The following FGD6 variants were observed in gnomAD, a reference collection of about 807,000 sequenced individuals.
FGD6 encodes FYVE, RhoGEF and PH domain-containing protein 6.
FGD6 carries 90 observed loss-of-function variants against 149.4 expected under a neutral mutation model. That is an observed-to-expected ratio of 0.60 (90% CI 0.51 to 0.72). The LOEUF (loss-of-function observed/expected upper bound fraction) is 0.72. FGD6 is among the 30% of genes least tolerant of loss of function. FGD6 has a pLI of 0.00. For synonymous variants in FGD6, 527 were observed against 584.0 expected, an observed-to-expected ratio of 0.90 and a Z score of 1.41; for missense variants, 1,437 against 1,684.8, an observed-to-expected ratio of 0.85 and a Z score of 2.57.
chr12:95,179,746 A>C (rs1038824990), intron 2 of FGD6, among the ~76,000 whole-genome samples: 1 of 152,104 alleles, frequency 6.6e-6, no homozygotes, highest in Non-Finnish European at 1.5e-5. Flanking sequence ...CCATTAAAAA[A>C]AGACCGGTTA....
intron 2 of FGD6, among the ~76,000 whole-genome samples, chr12:95,201,979 C>T (rs987126326): frequency 2.6e-5 from 4 of 151,522 alleles, no homozygotes; most frequent in Non-Finnish European, 4.4e-5. Context: ...CACACACACA[C>T]ACACACACAC....
At chr12:95,111,809 G>A (rs1253280855) in intron 9 of FGD6, among the ~76,000 whole-genome samples, 1 of 151,756 alleles carries the variant, frequency 6.6e-6, no homozygotes, top group South Asian at 2.1e-4. Context: ...AAAAAAAACC[G>A]CCTTTAAAAG....
At chr12:95,181,744 G>C (rs1592866389) in intron 2 of FGD6, among the ~76,000 whole-genome samples, 1 of 152,118 alleles carries the variant, frequency 6.6e-6, no homozygotes, top group Non-Finnish European at 1.5e-5. Flanking sequence ...ACAAGGTCAG[G>C]AGATCAAGAC....
intron 2 of FGD6, among the ~76,000 whole-genome samples, chr12:95,179,036 C>G (rs1350195425): frequency 1.3e-5 from 2 of 152,156 alleles, no homozygotes; most frequent in Admixed American, 6.5e-5. Flanking sequence ...AAAACTGTCT[C>G]TGGGTGACTC....
In FGD6 at chr12:95,172,652, T is replaced by C; in HGVS notation, c.2534A>G (p.Asp845Gly). Reference sequence around the variant, plus strand: ...TCCTTTACTTGACTCAGAGCTGACATCATCTTCATCAGAACTGTTGATGAT... The same window carrying C: ...TCCTTTACTTGACTCAGAGCTGACACCATCTTCATCAGAACTGTTGATGAT... ...EEIINSSDED[D>G]VSSESSKGEP... The change falls in exon 3 of 21, where the codon GAT becomes GGT. Residue 845 changes from aspartate to glycine, a missense_variant. Physicochemically the swap from Asp to Gly is moderately conservative, Grantham distance 94. Transcript: ENST00000343958. 1 of 1,613,456 alleles carries C rather than the reference T, an allele frequency of 6.2e-7. No homozygotes were observed. Among genetic ancestry groups the C allele is most frequent in the Middle Eastern group, 1.7e-4 (1 of 6,022 alleles).
At chr12:95,190,942 C>A (rs1458583709) in intron 2 of FGD6, among the ~76,000 whole-genome samples, 1 of 152,140 alleles carries the variant, frequency 6.6e-6, no homozygotes, top group Non-Finnish European at 1.5e-5. Flanking sequence ...CTAGACCCTT[C>A]ACCAGAACAT....
chr12:95,181,062 C>T (rs1881269434), intron 2 of FGD6, among the ~76,000 whole-genome samples: 1 of 152,004 alleles, frequency 6.6e-6, no homozygotes, highest in Admixed American at 6.6e-5. Context: ...TACGGCTTTC[C>T]CTTACTGCCG....
intron 2 of FGD6, among the ~76,000 whole-genome samples, chr12:95,202,575 A>G (rs1417065919): frequency 1.3e-5 from 2 of 151,562 alleles, no homozygotes; most frequent in African/African-American, 4.8e-5. Flanking sequence ...CCTTTTTTTC[A>G]TAGAGATAGG....
intron 8 of FGD6, among the ~76,000 whole-genome samples, chr12:95,116,196 C>T (rs1426946115): frequency 4.6e-5 from 7 of 152,200 alleles, no homozygotes; most frequent in East Asian, 1.9e-4. Context: ...TTACATAATC[C>T]GTGTCTGGTG....
intron 2 of FGD6, among the ~76,000 whole-genome samples, chr12:95,202,532 T>A (rs2056669012): frequency 6.6e-6 from 1 of 151,584 alleles, no homozygotes; most frequent in South Asian, 2.1e-4. Flanking sequence ...TCATAATACT[T>A]ATTCCTAATT....
At chr12:95,096,602 C>T (rs1382176034) in intron 14 of FGD6, among the ~76,000 whole-genome samples, 5 of 152,184 alleles carry the variant, frequency 3.3e-5, no homozygotes, top group Admixed American at 2.0e-4. Flanking sequence ...CAAATGTCAC[C>T]ATGTCTCACC....
chr12:95,185,575 A>G (rs1462881613), intron 2 of FGD6, among the ~76,000 whole-genome samples: 2 of 152,166 alleles, frequency 1.3e-5, no homozygotes, highest in East Asian at 1.9e-4. Flanking sequence ...TAAAATTGAG[A>G]TAATAGGCCG....
intron 14 of FGD6, among the ~76,000 whole-genome samples, chr12:95,097,538 A>T (rs764903683): frequency 2.0e-5 from 3 of 147,054 alleles, no homozygotes; most frequent in Non-Finnish European, 4.5e-5. Context: ...CAGGAGGCTG[A>T]GGCAGGAGAA....
rs138823345 is a variant in FGD6 at position 95,210,305 on chromosome 12, G to C, written c.979C>G (p.Arg327Gly). 6.2e-7 allele frequency: 1 copy of C among 1,614,120 alleles called. No individual in the cohort carries two copies. The highest frequency in any genetic ancestry group is 8.5e-7 in the Non-Finnish European group (1 of 1,180,024). ...PRKTRTARLL[R>G]QKCVDTPSES... is the part of the protein sequence containing the mutation. ...CTAGGAGTATCTACACACTTTTGGCGTAACAGACGAGCAGTTCGTGTCTTT... is the reference window on the plus strand; with the variant it reads ...CTAGGAGTATCTACACACTTTTGGCCTAACAGACGAGCAGTTCGTGTCTTT... The change falls in exon 2 of 21, where the codon CGC becomes GGC. Residue 327 changes from arginine (R) to glycine (G), a missense_variant. Physicochemically the swap from Arg to Gly is moderately radical, Grantham distance 125 (BLOSUM62 -2). Transcript: ENST00000343958.
chr12:95,197,852 T>A (rs1481118006), intron 2 of FGD6, among the ~76,000 whole-genome samples: 1 of 152,212 alleles, frequency 6.6e-6, no homozygotes, highest in Admixed American at 6.5e-5. Context: ...ATATTTAACT[T>A]GCTTTGAATA....
At chr12:95,183,437 T>C (rs983852000) in intron 2 of FGD6, among the ~76,000 whole-genome samples, 2 of 152,184 alleles carry the variant, frequency 1.3e-5, no homozygotes, top group African/African-American at 4.8e-5. Flanking sequence ...TGGGACTACA[T>C]GTGAATGAGA....
chr12:95,086,260 G>A (rs1244735939), intron 18 of FGD6, among the ~76,000 whole-genome samples: 1 of 151,988 alleles, frequency 6.6e-6, no homozygotes, highest in Non-Finnish European at 1.5e-5. Flanking sequence ...GGGACTTGGG[G>A]ATTTGTTTTT....
At position 95,106,722 on chromosome 12, in the gene FGD6, C is replaced by T. The variant is rs1203525023; in HGVS notation, c.3417+232G>A. Among the ~76,000 whole-genome samples, 5 of 151,894 alleles carry T rather than the reference C, an allele frequency of 3.3e-5. No homozygotes were observed. In the East Asian group the frequency reaches 7.8e-4, roughly 24 times the overall value. On this transcript the variant is annotated intron_variant, in intron 13 of 20. Transcript: ENST00000343958. ...ACCAGCCTGCCAACATGGTGAAACCCGTCTCTACCGAAAATACAAAAATTA... is the reference window on the plus strand; with the variant it reads ...ACCAGCCTGCCAACATGGTGAAACCTGTCTCTACCGAAAATACAAAAATTA...
At chr12:95,128,171 C>A (rs188949381) in intron 8 of FGD6, among the ~76,000 whole-genome samples, 10 of 152,304 alleles carry the variant, frequency 6.6e-5, no homozygotes, top group Non-Finnish European at 5.9e-5. Context: ...TAACACATCA[C>A]CAGAATATAC....
Sources: allele counts gnomAD v4.1 joint callset (sites outside exome capture counted in the v4.1 genomes callset), GRCh38; gene constraint gnomAD v4.1.1; transcripts MANE v1.5; gene names NCBI Gene and HGNC (gene_info 2026-07-23, HGNC 2026-07-21).